The following NEO1 variants were observed in gnomAD, a reference collection of about 807,000 sequenced individuals.
The protein encoded by NEO1 is neogenin 1, also known as neogenin.
A neutral mutation model predicts 159.7 loss-of-function variants in NEO1; 63 were observed. That is an observed-to-expected ratio of 0.39 (90% CI 0.32 to 0.49). The LOEUF is 0.49. Among genes scored for constraint, NEO1 ranks in the 20% least tolerant of loss-of-function variants. The pLI, the probability that NEO1 is intolerant of heterozygous loss-of-function variation, is 0.85. For missense variants in NEO1, 1,615 were observed against 1,831.0 expected (o/e 0.88, Z 2.15); for synonymous variants, 633 against 662.0 (o/e 0.96, Z 0.67).
intron 28 of NEO1, 43 bp from the exon 29 acceptor site, chr15:73,302,570 G>T: frequency 6.3e-7 from 1 of 1,577,120 alleles, no homozygotes; most frequent in Non-Finnish European, 8.7e-7. Context: ...TTTCTGAGCT[G>T]CTCCCTGGAT....
chr15:73,124,659 C>T (rs1290524949), intron 3 of NEO1, among the ~76,000 whole-genome samples: 1 of 152,184 alleles, frequency 6.6e-6, no homozygotes, highest in Non-Finnish European at 1.5e-5. Context: ...ATCGCTTTAT[C>T]AGTGAAGCCT....
In NEO1 at chr15:73,293,426, A is replaced by C. The variant is rs1238689924; in HGVS notation, c.3779A>C (p.Asn1260Thr). Reference protein sequence around the residue: ...ISAHPIHSLDNPHHHFHSSSL... With the variant: ...ISAHPIHSLDTPHHHFHSSSL... Reference sequence around the variant, plus strand: ...GCCCATCCCATCCATTCCCTCGATAACCCTCACCATCATTTCCACTCCAGC... The same window carrying C: ...GCCCATCCCATCCATTCCCTCGATACCCCTCACCATCATTTCCACTCCAGC... The change falls in exon 26 of 29, where the codon AAC becomes ACC. Residue 1260 changes from asparagine to threonine, a missense_variant. Around this residue, in one of 3 missense-constraint regions of NEO1, gnomAD observed 471 missense variants for 498.9 expected, o/e 0.94. Coordinates refer to ENST00000261908, the MANE Select transcript of NEO1 (RefSeq NM_002499.4). 23 of 1,613,790 alleles carry C rather than the reference A, an allele frequency of 1.4e-5. No homozygotes were observed. The highest frequency in any genetic ancestry group is 1.9e-5 in the Non-Finnish European group (23 of 1,180,012).
At chr15:73,173,428 G>A (rs943439722) in intron 5 of NEO1, among the ~76,000 whole-genome samples, 3 of 152,110 alleles carry the variant, frequency 2.0e-5, no homozygotes, top group African/African-American at 7.2e-5. Flanking sequence ...CCAAGAGTAC[G>A]TAGATTTTAG....
chr15:73,161,572 C>A (rs1166479198), intron 5 of NEO1, among the ~76,000 whole-genome samples: 1 of 152,160 alleles, frequency 6.6e-6, no homozygotes, highest in Non-Finnish European at 1.5e-5. Context: ...ATGCTTAAAT[C>A]CAAGCAAAGG....
At chr15:73,085,298 A>G (rs2069294956) in intron 1 of NEO1, among the ~76,000 whole-genome samples, 1 of 152,140 alleles carries the variant, frequency 6.6e-6, no homozygotes. Flanking sequence ...TCAATGTTGT[A>G]TGAAAGTTTG....
chr15:73,123,389 A>G (rs984793041), intron 3 of NEO1, among the ~76,000 whole-genome samples: 3 of 152,108 alleles, frequency 2.0e-5, no homozygotes, highest in Admixed American at 6.5e-5. Context: ...CTCTCCAACA[A>G]TAGGATATTT....
In NEO1 at chr15:73,272,463, T is replaced by G. The variant is rs763780669; in HGVS notation, c.2866T>G (p.Ser956Ala). The G allele has an allele frequency of 3.1e-6, 5 of 1,612,992 alleles. No homozygotes were observed. In the South Asian group the frequency reaches 5.5e-5, roughly 18 times the overall value. Residue 956 changes from serine (S) to alanine (A), a missense_variant, in exon 19 of 29, where the codon TCT (serine) becomes GCT (alanine). Physicochemically the swap from Ser to Ala is moderately conservative, Grantham distance 99 (BLOSUM62 1). Coordinates refer to ENST00000261908, the MANE Select transcript of NEO1 (RefSeq NM_002499.4). ...ATTTTGTTATTTTGTAGTTCCGACT[T>G]CTCCACCCAAGGATGTGACTGTTGT... ...HGTTFELVPT[S>A]PPKDVTVVSK...
intron 5 of NEO1, among the ~76,000 whole-genome samples, chr15:73,158,562 A>AT (rs1051166546): frequency 1.3e-5 from 2 of 151,522 alleles, no homozygotes; most frequent in Admixed American, 6.6e-5. Context: ...TAATTTTTGT[A>AT]TTTTTTTGTA....
chr15:73,214,087 T>A (rs1380722893), intron 7 of NEO1, among the ~76,000 whole-genome samples: 3 of 152,184 alleles, frequency 2.0e-5, no homozygotes, highest in African/African-American at 7.2e-5. Flanking sequence ...TCTGTTCATA[T>A]CCTTAGCCCA....
intron 16 of NEO1, among the ~76,000 whole-genome samples, chr15:73,268,999 A>G (rs2041044842): frequency 6.6e-6 from 1 of 152,210 alleles, no homozygotes; most frequent in African/African-American, 2.4e-5. Flanking sequence ...GGAAGAAACT[A>G]TGGTAGATAG....
At chr15:73,252,674 C>A (rs1180882110) in intron 11 of NEO1, among the ~76,000 whole-genome samples, 1 of 152,112 alleles carries the variant, frequency 6.6e-6, no homozygotes, top group Non-Finnish European at 1.5e-5. Context: ...TCCAGAAAAA[C>A]CTATGGTTGT....
In NEO1 at chr15:73,249,670, C is replaced by T. The variant is rs865811401; in HGVS notation, c.1843C>T (p.His615Tyr). The T allele has an allele frequency of 4.3e-6, 7 of 1,613,730 alleles. No individual in the cohort carries two copies. The Admixed American group carries it at 8.3e-5, about 19-fold the overall frequency. The change falls in exon 11 of 29, where the codon CAT (histidine) becomes TAT (tyrosine). Residue 615 changes from histidine to tyrosine, a missense_variant. His to Tyr is a moderately conservative substitution (Grantham distance 83). Coordinates refer to ENST00000261908, the MANE Select transcript of NEO1 (RefSeq NM_002499.4). ...YSFRVVAYNKHGPGVSTPDVA... is the reference protein window; with the variant it reads ...YSFRVVAYNKYGPGVSTPDVA... ...TTTCCGAGTGGTGGCCTACAATAAA[C>T]ATGGTCCTGGAGTTTCCACACCAGA...
chr15:73,081,121 C>T (rs1258759765), intron 1 of NEO1, among the ~76,000 whole-genome samples: 3 of 152,008 alleles, frequency 2.0e-5, no homozygotes, highest in Non-Finnish European at 4.4e-5. Flanking sequence ...AAGGGCGTTG[C>T]TGTAACTTGG....
intron 1 of NEO1, among the ~76,000 whole-genome samples, chr15:73,066,040 T>C (rs72739445): frequency 0.15 from 21,894 of 149,964 alleles, 2,535 homozygotes; most frequent in African/African-American, 0.31. Context: ...CTTTTCTTTT[T>C]TTTTTTTTTG....
intron 16 of NEO1, among the ~76,000 whole-genome samples, chr15:73,269,073 A>T (rs1309266159): frequency 6.6e-6 from 1 of 152,068 alleles, no homozygotes; most frequent in Non-Finnish European, 1.5e-5. Context: ...CTTTTGCTTT[A>T]TTTGGGTGTC....
chr15:73,191,905 G>A (rs986120961), intron 7 of NEO1, among the ~76,000 whole-genome samples: 5 of 151,924 alleles, frequency 3.3e-5, no homozygotes, highest in East Asian at 1.9e-4. Flanking sequence ...CAAACATTCT[G>A]TGTATTTGTG....
At position 73,262,711 on chromosome 15, in the gene NEO1, A is replaced by G. The variant is rs190366418; in HGVS notation, c.2398+2246A>G. Among the ~76,000 whole-genome samples, 443 of 152,336 alleles carry G rather than the reference A, an allele frequency of 2.9e-3. 17 individuals are homozygous for G. In the South Asian group the frequency reaches 0.085, roughly 29 times the overall value. On this transcript the variant is annotated intron_variant, in intron 15 of 28. Coordinates refer to ENST00000261908, the MANE Select transcript of NEO1 (RefSeq NM_002499.4). ...GTTTAGAGGTTTCTTGTAAAGTTAT[A>G]ACCCAGTAATCCCACACGTAGATAA...
At chr15:73,080,439 T>C (rs2151378892) in intron 1 of NEO1, among the ~76,000 whole-genome samples, 1 of 152,332 alleles carries the variant, frequency 6.6e-6, no homozygotes, top group East Asian at 1.9e-4. Context: ...AGACCTCTTC[T>C]AGGATCTGGG....
intron 16 of NEO1, among the ~76,000 whole-genome samples, chr15:73,267,517 C>A (rs919573520): frequency 1.3e-5 from 2 of 150,844 alleles, no homozygotes; most frequent in African/African-American, 4.9e-5. Context: ...TTAGGTATAT[C>A]TCCTAATGCT....
Sources: gnomAD v4.1 joint callset for allele counts (sites outside exome capture counted in the v4.1 genomes callset) on GRCh38, gnomAD v4.1.1 for gene constraint, gnomAD v4.1.1 regional missense constraint, MANE v1.5 for transcripts, NCBI Gene and HGNC (gene_info 2026-07-23, HGNC 2026-07-21) for gene names.